Variants in IGF2BP3 observed in about 807,000 individuals in gnomAD.
The protein encoded by IGF2BP3 is insulin like growth factor 2 mRNA binding protein 3, also known as insulin-like growth factor 2 mRNA-binding protein 3.
IGF2BP3 carries 9 observed loss-of-function variants against 73.8 expected under a neutral mutation model. The ratio of observed to expected loss-of-function variants is 0.12; its 90% confidence interval spans 0.07 to 0.21. The LOEUF (loss-of-function observed/expected upper bound fraction) is 0.21, where lower values mean the gene tolerates loss of function less well. Ranked by LOEUF, IGF2BP3 falls within the 10% of genes least tolerant of loss-of-function variation. The pLI is 1.00. For synonymous variants in IGF2BP3, 258 were observed against 256.7 expected (o/e 1.01, Z -0.05); for missense variants, 542 against 714.0 (o/e 0.76, Z 2.75).
intron 2 of IGF2BP3, among the ~76,000 whole-genome samples, chr7:23,444,877 G>C (rs1164412277): frequency 6.6e-6 from 1 of 152,094 alleles, no homozygotes; most frequent in Non-Finnish European, 1.5e-5. Context: ...TGACCAGTTT[G>C]AGCAACATAG....
At chr7:23,354,047 A>ACG (rs1323457036) in intron 5 of IGF2BP3, among the ~76,000 whole-genome samples, 1 of 152,166 alleles carries the variant, frequency 6.6e-6, no homozygotes, top group Non-Finnish European at 1.5e-5. Flanking sequence ...AGGCTGGAGC[A>ACG]CAGTGGTGCG....
intron 5 of IGF2BP3, 54 bp from the exon 6 acceptor site, chr7:23,351,640 T>G (rs893161201): frequency 6.3e-7 from 1 of 1,585,794 alleles, no homozygotes; most frequent in Non-Finnish European, 8.6e-7. Flanking sequence ...ATATGACACA[T>G]CTTTTAGCAA....
chr7:23,366,296 C>T (rs1046703364), intron 3 of IGF2BP3, among the ~76,000 whole-genome samples: 17 of 152,028 alleles, frequency 1.1e-4, no homozygotes, highest in African/African-American at 4.1e-4. Context: ...CACCACTACA[C>T]CCAGCTAATT....
intron 10 of IGF2BP3, among the ~76,000 whole-genome samples, chr7:23,330,085 C>G (rs199649): frequency 0.62 from 94,262 of 151,628 alleles, 29,630 homozygotes; most frequent in East Asian, 0.9. Context: ...AGGAGTTCGA[C>G]ACCAGCCTGG....
intron 3 of IGF2BP3, among the ~76,000 whole-genome samples, chr7:23,367,616 G>C (rs1193721433): frequency 1.3e-5 from 2 of 152,070 alleles, no homozygotes; most frequent in African/African-American, 4.8e-5. Flanking sequence ...TAAATGCAAA[G>C]TAAAGCCTCA....
rs76306201 is a variant in IGF2BP3, at chr7:23,350,003, C to T, written c.683+1302G>A. ...CCACTCCTACATGATGAGGTCAGGG[C>T]GATTAATTTTGCATTCAGGTAACCA... On this transcript the variant is annotated intron_variant, in intron 6 of 14. Coordinates refer to ENST00000258729, the MANE Select transcript of IGF2BP3 (RefSeq NM_006547.3). Among the ~76,000 whole-genome samples, 1,222 of 152,192 alleles carry T rather than the reference C, an allele frequency of 8.0e-3. 19 individuals carry two copies. Among genetic ancestry groups the T allele is most frequent in the African/African-American group, 0.028 (1,159 of 41,496 alleles).
intron 3 of IGF2BP3, among the ~76,000 whole-genome samples, chr7:23,407,374 C>T (rs900875756): frequency 2.0e-5 from 3 of 151,426 alleles, no homozygotes; most frequent in Non-Finnish European, 4.4e-5. Context: ...TTTGGGAGGC[C>T]GAGGCAAATG....
At chr7:23,323,755 G>C (rs1017579385) in intron 10 of IGF2BP3, among the ~76,000 whole-genome samples, 1 of 152,094 alleles carries the variant, frequency 6.6e-6, no homozygotes, top group African/African-American at 2.4e-5. Flanking sequence ...TAGAACTCAG[G>C]ATTAAGAAAC....
chr7:23,361,397 C>A, intron 5 of IGF2BP3, 137 bp downstream of exon 5: 2 of 630,570 alleles, frequency 3.2e-6, no homozygotes, highest in East Asian at 5.5e-5. Context: ...AAGAAAGGCA[C>A]GATTACAGGG....
chr7:23,417,803 A>C (rs1787234876), intron 3 of IGF2BP3, among the ~76,000 whole-genome samples: 1 of 151,936 alleles, frequency 6.6e-6, no homozygotes, highest in Admixed American at 6.6e-5. Flanking sequence ...GTTTAATCTT[A>C]TAACCCACCG....
chr7:23,360,477 T>C (rs1018223930), intron 5 of IGF2BP3, among the ~76,000 whole-genome samples: 1 of 152,238 alleles, frequency 6.6e-6, no homozygotes, highest in Non-Finnish European at 1.5e-5. Flanking sequence ...AGAGATAAGG[T>C]AGTTAGGGAA....
Position 23,342,068 on chromosome 7 carries a change from A to C in IGF2BP3, c.1199T>G (p.Phe400Cys), listed in dbSNP as rs1784725505. The C allele has an allele frequency of 2.5e-6, 4 of 1,571,498 alleles. No homozygotes were observed. The East Asian group carries it at 9.0e-5, about 35-fold the overall frequency. The change falls in exon 10 of 15, where the codon TTT becomes TGT. Residue 400 changes from phenylalanine (F) to cysteine (C), a missense_variant. This residue lies in a region of IGF2BP3 where 303 missense variants were observed against 472.1 expected (regional missense o/e 0.64). Transcript: ENST00000258729. The stretch of plus-strand genomic sequence containing the variant: ...AGCCAAGGCCAGTTATCTTACCTCA[A>C]ACTGCGGGTAGGGAGGAGTCATGGC... ...PSAMTPPYPQ[F>C]EQSETETVHL...
intron 3 of IGF2BP3, among the ~76,000 whole-genome samples, chr7:23,375,187 C>T (rs970029595): frequency 2.0e-5 from 3 of 152,020 alleles, no homozygotes; most frequent in Middle Eastern, 3.2e-3. Flanking sequence ...AAACTGAGGT[C>T]GATTTTAAGT....
chr7:23,331,415 A>G (rs976760811), intron 10 of IGF2BP3, among the ~76,000 whole-genome samples: 8 of 152,244 alleles, frequency 5.3e-5, no homozygotes, highest in Admixed American at 5.2e-4. Flanking sequence ...ATAGCTAAAT[A>G]ACTGTCAGGT....
chr7:23,371,419 G>A (rs1373303343), intron 3 of IGF2BP3, among the ~76,000 whole-genome samples: 1 of 152,148 alleles, frequency 6.6e-6, no homozygotes, highest in Non-Finnish European at 1.5e-5. Flanking sequence ...ATCTATTTGT[G>A]AGAAATGGCT....
chr7:23,414,563 A>G (rs1787127591), intron 3 of IGF2BP3: 1 of 152,202 alleles, frequency 6.6e-6, no homozygotes, highest in Non-Finnish European at 1.5e-5. Flanking sequence ...GTTTGCCTTG[A>G]TATTAAGCTC....
intron 3 of IGF2BP3, 69 bp from the exon 4 acceptor site, chr7:23,361,810 T>C: frequency 1.5e-6 from 2 of 1,362,730 alleles, no homozygotes; most frequent in African/African-American, 1.5e-5. Flanking sequence ...CAGGAATATG[T>C]CTTAAAATCA....
intron 8 of IGF2BP3, among the ~76,000 whole-genome samples, chr7:23,345,254 T>C (rs1784801697): frequency 6.6e-6 from 1 of 152,228 alleles, no homozygotes; most frequent in Non-Finnish European, 1.5e-5. Context: ...AGATTCTAAG[T>C]GTGGTAGCCT....
At chr7:23,417,892 C>CGGAA (rs1039713472) in intron 3 of IGF2BP3, among the ~76,000 whole-genome samples, 4 of 152,156 alleles carry the variant, frequency 2.6e-5, no homozygotes, top group Non-Finnish European at 5.9e-5. Flanking sequence ...CAACCCCTTC[C>CGGAA]TGCAAAGCTT....
Sources: gnomAD v4.1 joint callset for allele counts (sites outside exome capture counted in the v4.1 genomes callset) on GRCh38, gnomAD v4.1.1 for gene constraint, gnomAD v4.1.1 regional missense constraint, MANE v1.5 for transcripts, NCBI Gene and HGNC (gene_info 2026-07-23, HGNC 2026-07-21) for gene names.